Variants in SYCP1 observed in about 807,000 individuals in gnomAD.
SYCP1 encodes the protein synaptonemal complex protein 1.
A neutral mutation model predicts 153.1 loss-of-function variants in SYCP1; 64 were observed. That is an observed-to-expected ratio of 0.42 (90% confidence interval 0.34 to 0.51). The LOEUF is 0.51. Among genes scored for constraint, SYCP1 ranks in the 20% least tolerant of loss-of-function variants. SYCP1 has a pLI of 0.06. For synonymous variants in SYCP1, 384 were observed against 341.8 expected, an observed-to-expected ratio of 1.12 and a Z score of -1.36; for missense variants, 997 against 1,049.0, an observed-to-expected ratio of 0.95 and a Z score of 0.68.
At chr1:114,882,999 A>G (rs1666060548) in intron 12 of SYCP1, among the ~76,000 whole-genome samples, 1 of 152,176 alleles carries the variant, frequency 6.6e-6, no homozygotes, top group South Asian at 2.1e-4. Flanking sequence ...ATCCCATCAT[A>G]TTTCAAACCA....
At chr1:114,877,101 C>G (rs1031479465) in intron 11 of SYCP1, among the ~76,000 whole-genome samples, 1 of 151,922 alleles carries the variant, frequency 6.6e-6, no homozygotes, top group East Asian at 1.9e-4. Flanking sequence ...AACTTTTGTT[C>G]AGACAAAAAC....
At chr1:114,885,223 A>C (rs1045378713) in intron 12 of SYCP1, among the ~76,000 whole-genome samples, 1 of 152,170 alleles carries the variant, frequency 6.6e-6, no homozygotes, top group African/African-American at 2.4e-5. Flanking sequence ...CAGTGGCTAC[A>C]TGGTATACCA....
At chr1:114,892,415 G>A (rs1029548862) in intron 15 of SYCP1, among the ~76,000 whole-genome samples, 19 of 152,102 alleles carry the variant, frequency 1.2e-4, no homozygotes, top group Admixed American at 7.9e-4. Flanking sequence ...AGGAGTGTGC[G>A]CTTCAGCCCC....
chr1:114,864,567 T>C (rs1178841269), intron 8 of SYCP1, among the ~76,000 whole-genome samples: 1 of 152,032 alleles, frequency 6.6e-6, no homozygotes, highest in African/African-American at 2.4e-5. Flanking sequence ...TGGCTCACCA[T>C]AACCCCCGCA....
chr1:114,875,315 C>T (rs1257671322), intron 9 of SYCP1, among the ~76,000 whole-genome samples: 1 of 143,944 alleles, frequency 6.9e-6, no homozygotes, highest in Non-Finnish European at 1.5e-5. Flanking sequence ...GGCTGGAGTG[C>T]AGTGGCGCAA....
chr1:114,925,750 T>G (rs1669210960), intron 21 of SYCP1, among the ~76,000 whole-genome samples: 1 of 152,080 alleles, frequency 6.6e-6, no homozygotes, highest in South Asian at 2.1e-4. Flanking sequence ...TACAAGACAA[T>G]TTAAAAAATT....
chr1:114,960,445 G>A (rs972542167), intron 27 of SYCP1, among the ~76,000 whole-genome samples: 1 of 152,114 alleles, frequency 6.6e-6, no homozygotes, highest in Admixed American at 6.5e-5. Flanking sequence ...TGGGATTACG[G>A]GCGTGAGCCA....
chr1:114,973,875 G>A (rs1419783892), intron 27 of SYCP1, among the ~76,000 whole-genome samples: 3 of 151,732 alleles, frequency 2.0e-5, no homozygotes, highest in Admixed American at 2.0e-4. Flanking sequence ...GGAGTTAAGG[G>A]TTCTATTACT....
chr1:114,985,501 C>T (rs2101964793), intron 30 of SYCP1, among the ~76,000 whole-genome samples: 1 of 151,842 alleles, frequency 6.6e-6, no homozygotes, highest in East Asian at 1.9e-4. Context: ...AAAGGTGAAC[C>T]ATACCAGAGT....
chr1:114,873,271 T>C (rs761051403), intron 8 of SYCP1, among the ~76,000 whole-genome samples: 12 of 152,186 alleles, frequency 7.9e-5, no homozygotes, highest in Non-Finnish European at 1.2e-4. Flanking sequence ...TGTAATGTGC[T>C]GGTAAAGTAT....
chr1:114,878,598 C>T (rs1665700275), intron 12 of SYCP1, among the ~76,000 whole-genome samples: 1 of 152,126 alleles, frequency 6.6e-6, no homozygotes, highest in Admixed American at 6.5e-5. Context: ...GGCTGGAGTG[C>T]AGTGGCACAA....
chr1:114,926,666 T>C, intron 23 of SYCP1, 103 bp downstream of exon 23: 1 of 969,534 alleles, frequency 1.0e-6, no homozygotes. Flanking sequence ...ATTTATACCA[T>C]AACAGTATCA....
At chr1:114,945,904 A>G (rs914609998) in intron 25 of SYCP1, among the ~76,000 whole-genome samples, 4 of 152,150 alleles carry the variant, frequency 2.6e-5, no homozygotes, top group African/African-American at 4.8e-5. Flanking sequence ...TACATTAGGT[A>G]TATCTCCTAA....
At chr1:114,947,455 CT>C in intron 27 of SYCP1, 135 bp downstream of exon 27, 2 of 625,706 alleles carry the variant, frequency 3.2e-6, no homozygotes, top group Non-Finnish European at 5.4e-6. Flanking sequence ...CCCCCAGAAG[CT>C]TTTTTCTAGA....
intron 23 of SYCP1, among the ~76,000 whole-genome samples, chr1:114,944,106 T>A (rs2101817617): frequency 6.6e-6 from 1 of 151,926 alleles, no homozygotes; most frequent in South Asian, 2.1e-4. Context: ...AATAAATGCA[T>A]GGGTGTTTAT....
intron 12 of SYCP1, among the ~76,000 whole-genome samples, chr1:114,878,468 G>A (rs750899319): frequency 2.0e-5 from 3 of 151,194 alleles, no homozygotes; most frequent in Non-Finnish European, 3.0e-5. Flanking sequence ...TGTCTTTTTT[G>A]TTCACTGACT....
chr1:114,935,945 G>A (rs1006913971), intron 23 of SYCP1, among the ~76,000 whole-genome samples: 5 of 152,102 alleles, frequency 3.3e-5, no homozygotes, highest in African/African-American at 7.2e-5. Context: ...AGGACCAGAC[G>A]GAGTCACAGC....
chr1:114,919,811 T>C (rs1315099764), intron 20 of SYCP1, among the ~76,000 whole-genome samples: 1 of 152,058 alleles, frequency 6.6e-6, no homozygotes, highest in Non-Finnish European at 1.5e-5. Context: ...TAGCCTCTAA[T>C]GATCCTTTGA....
chr1:114,950,484 T>G (rs1671023425), intron 27 of SYCP1, among the ~76,000 whole-genome samples: 1 of 152,074 alleles, frequency 6.6e-6, no homozygotes, highest in Admixed American at 6.6e-5. Flanking sequence ...ACAAAAAGGG[T>G]AAAAATAGCC....
Sources: allele counts gnomAD v4.1 joint callset (sites outside exome capture counted in the v4.1 genomes callset), GRCh38; gene constraint gnomAD v4.1.1; transcripts MANE v1.5; gene names NCBI Gene and HGNC (gene_info 2026-07-23, HGNC 2026-07-21).